The following CTNNBL1 variants were observed in gnomAD, a reference collection of about 807,000 sequenced individuals.
CTNNBL1 encodes the protein beta-catenin-like protein 1.
Under a neutral mutation model 72.7 loss-of-function variants are expected in CTNNBL1, and 31 were observed. The observed-to-expected ratio is 0.43, with a 90% CI of 0.32 to 0.58. The LOEUF (loss-of-function observed/expected upper bound fraction) is 0.58, where lower values mean the gene tolerates loss of function less well. Among genes scored for constraint, CTNNBL1 ranks in the 20% least tolerant of loss-of-function variants. The pLI, the probability that CTNNBL1 is intolerant of heterozygous loss-of-function variation, is 0.08. For synonymous variants in CTNNBL1, 240 were observed against 267.3 expected (o/e 0.90, Z 1.00); for missense variants, 534 against 725.1 (o/e 0.74, Z 3.03).
intron 4 of CTNNBL1, among the ~76,000 whole-genome samples, chr20:37,754,564 G>A (rs915383266): frequency 6.6e-6 from 1 of 152,150 alleles, no homozygotes; most frequent in Admixed American, 6.5e-5. Context: ...TCTTGGAAGA[G>A]TGGGGAGGTG....
At chr20:37,768,904 G>T (rs572517562) in intron 7 of CTNNBL1, among the ~76,000 whole-genome samples, 4 of 151,966 alleles carry the variant, frequency 2.6e-5, no homozygotes, top group Non-Finnish European at 5.9e-5. Flanking sequence ...TCAGCTTCCC[G>T]AGTAGCTGGG....
At chr20:37,829,757 C>A (rs2072191796) in intron 11 of CTNNBL1, among the ~76,000 whole-genome samples, 1 of 152,124 alleles carries the variant, frequency 6.6e-6, no homozygotes, top group Admixed American at 6.6e-5. Context: ...TTCTTAGCTC[C>A]TCTGGCTGGG....
chr20:37,801,617 A>G (rs2073824372), intron 10 of CTNNBL1, among the ~76,000 whole-genome samples: 1 of 152,204 alleles, frequency 6.6e-6, no homozygotes. Flanking sequence ...GATATAGAAA[A>G]AGGAAAAATA....
chr20:37,696,738 T>C (rs1055653846), intron 1 of CTNNBL1, among the ~76,000 whole-genome samples: 13 of 152,038 alleles, frequency 8.6e-5, no homozygotes, highest in African/African-American at 3.1e-4. Flanking sequence ...CCACTGCCCC[T>C]GGCCACGTGA....
intron 10 of CTNNBL1, among the ~76,000 whole-genome samples, chr20:37,779,862 GT>G (rs1473901658): frequency 6.6e-6 from 1 of 152,076 alleles, no homozygotes; most frequent in Non-Finnish European, 1.5e-5. Context: ...CTTTCCTTGT[GT>G]GTCTTATTAT....
intron 1 of CTNNBL1, among the ~76,000 whole-genome samples, chr20:37,713,201 A>G (rs760003713): frequency 2.0e-5 from 3 of 152,226 alleles, no homozygotes; most frequent in Non-Finnish European, 4.4e-5. Context: ...AAAAGATGGC[A>G]TGTGCCTCTG....
At chr20:37,783,699 T>G (rs1462042452) in intron 10 of CTNNBL1, among the ~76,000 whole-genome samples, 2 of 152,244 alleles carry the variant, frequency 1.3e-5, no homozygotes, top group Non-Finnish European at 2.9e-5. Flanking sequence ...TCTAGTTTTT[T>G]TCCATTGTGA....
rs560482790 is a variant in CTNNBL1 at position 37,718,582 on chromosome 20, C to T, written c.31-14297C>T. On this transcript the variant is annotated intron_variant, in intron 1 of 15. Transcript: ENST00000361383. ...CTCCCCGACAGGGCGGATGGCCGGG[C>T]GGGGGGCTGACCCCCCCCACCTCCC... 3.5e-4 allele frequency among the ~76,000 whole-genome samples: 49 copies of T among 139,858 alleles called. No homozygotes were observed. The East Asian group carries it at 5.5e-3, about 16-fold the overall frequency. The allele number at this position is 139,858 out of a possible 152,430, so 91.8% of individuals were successfully genotyped here. A position where few individuals can be genotyped will look rare whatever the true frequency, so the allele number is the denominator to read the frequency against.
rs1173205171 is a variant in CTNNBL1 at position 37,757,555 on chromosome 20, TCACA to T, written c.467-3_467del. ...ATGTGTGTTATACCCTTAACATTTTTCACATGTGTCCATAGCTGTGGTCGATTTG... is the reference window on the plus strand; with the variant it reads ...ATGTGTGTTATACCCTTAACATTTTTTGTGTCCATAGCTGTGGTCGATTTG... On this transcript the variant is annotated splice_acceptor_variant and splice_polypyrimidine_tract_variant and coding_sequence_variant and intron_variant, in exon 5 of 16. Coordinates refer to ENST00000361383, the MANE Select transcript of CTNNBL1 (RefSeq NM_030877.5). LOFTEE classifies it high-confidence loss of function. 1 of 1,610,170 alleles carries T rather than the reference TCACA, an allele frequency of 6.2e-7. No homozygotes were observed. The highest frequency in any genetic ancestry group is 1.1e-5 in the South Asian group (1 of 90,934).
At chr20:37,771,275 C>T (rs1859637984) in intron 7 of CTNNBL1, among the ~76,000 whole-genome samples, 1 of 152,234 alleles carries the variant, frequency 6.6e-6, no homozygotes, top group African/African-American at 2.4e-5. Context: ...CCTACCGTCT[C>T]AGTCTCTGTC....
At chr20:37,739,386 A>G (rs1445412435) in intron 3 of CTNNBL1, among the ~76,000 whole-genome samples, 1 of 151,998 alleles carries the variant, frequency 6.6e-6, no homozygotes, top group Non-Finnish European at 1.5e-5. Context: ...ATTGGTGCAT[A>G]GTATTTCATG....
chr20:37,821,502 T>C lies in CTNNBL1; in HGVS notation c.1213+18454T>C, dbSNP rs566761958. On this transcript the variant is annotated intron_variant, in intron 11 of 15. Coordinates refer to ENST00000361383, the MANE Select transcript of CTNNBL1 (RefSeq NM_030877.5). ...ATCACTCAGCTTCAGTGAATAACGT[T>C]TTGCCAGTCTTGTTTGTTCCCCTCC... Among the ~76,000 whole-genome samples, 3 of 152,352 alleles carry C rather than the reference T, an allele frequency of 2.0e-5. No homozygotes were observed. The East Asian group carries it at 5.8e-4, about 29-fold the overall frequency.
intron 11 of CTNNBL1, among the ~76,000 whole-genome samples, chr20:37,838,920 G>A (rs187226675): frequency 1.5e-4 from 23 of 152,214 alleles, no homozygotes; most frequent in Non-Finnish European, 3.2e-4. Context: ...AGGATGTTAG[G>A]CAGCCAAGTG....
At chr20:37,800,619 ATAT>A (rs2073816244) in intron 10 of CTNNBL1, among the ~76,000 whole-genome samples, 1 of 152,074 alleles carries the variant, frequency 6.6e-6, no homozygotes, top group African/African-American at 2.4e-5. Context: ...ATTTACATGT[ATAT>A]TATTCTTTCC....
intron 1 of CTNNBL1, among the ~76,000 whole-genome samples, chr20:37,709,667 A>C (rs896162342): frequency 3.9e-5 from 6 of 152,206 alleles, no homozygotes; most frequent in Non-Finnish European, 7.3e-5. Context: ...GAGTACCTCT[A>C]TTGGGCAAGG....
chr20:37,694,728 G>A (rs2072775381), intron 1 of CTNNBL1, among the ~76,000 whole-genome samples: 1 of 152,250 alleles, frequency 6.6e-6, no homozygotes, highest in Admixed American at 6.5e-5. Context: ...TGCAGGAGAT[G>A]TTGGGAATTC....
chr20:37,816,168 A>G (rs1263931813), intron 11 of CTNNBL1, among the ~76,000 whole-genome samples: 1 of 152,216 alleles, frequency 6.6e-6, no homozygotes, highest in Non-Finnish European at 1.5e-5. Flanking sequence ...CAAACAAAGG[A>G]TCCCCAAACA....
In CTNNBL1 at chr20:37,802,921, T is replaced by G; in HGVS notation, c.1086T>G (p.Ile362Met). ...TGAAAGTGCTGGACCATGCCATGATTGGCCCCGAAGGCACAGACAACTGCC... is the reference window on the plus strand; with the variant it reads ...TGAAAGTGCTGGACCATGCCATGATGGGCCCCGAAGGCACAGACAACTGCC... ...SALKVLDHAM[I>M]GPEGTDNCHK... Residue 362 changes from isoleucine to methionine, a missense_variant, in exon 11 of 16, where the codon ATT (isoleucine) becomes ATG (methionine). Ile to Met is a conservative substitution (Grantham distance 10). Coordinates refer to ENST00000361383, the MANE Select transcript of CTNNBL1 (RefSeq NM_030877.5). 1 of 1,614,150 alleles carries G rather than the reference T, an allele frequency of 6.2e-7. No homozygotes were observed. Among genetic ancestry groups the G allele is most frequent in the East Asian group, 2.2e-5 (1 of 44,864 alleles).
chr20:37,727,773 C>T (rs1387008045), intron 1 of CTNNBL1, among the ~76,000 whole-genome samples: 1 of 152,180 alleles, frequency 6.6e-6, no homozygotes, highest in African/African-American at 2.4e-5. Flanking sequence ...AGCTGTTGAC[C>T]TCTGTGACAG....
Sources: gnomAD v4.1 joint callset for allele counts (sites outside exome capture counted in the v4.1 genomes callset) on GRCh38, gnomAD v4.1.1 for gene constraint, MANE v1.5 for transcripts, NCBI Gene and HGNC (gene_info 2026-07-23, HGNC 2026-07-21) for gene names.